Variants in PDZRN3 observed in about 807,000 individuals in gnomAD.
PDZRN3 encodes the protein E3 ubiquitin-protein ligase PDZRN3.
PDZRN3 carries 38 observed loss-of-function variants against 85.7 expected under a neutral mutation model. The ratio of observed to expected loss-of-function variants is 0.44; its 90% confidence interval spans 0.34 to 0.58. The LOEUF is 0.58. PDZRN3 is among the 20% of genes least tolerant of loss of function. PDZRN3 has a pLI of 0.01. For synonymous variants in PDZRN3, 759 were observed against 638.0 expected (o/e 1.19, Z -2.86); for missense variants, 1,629 against 1,506.4 (o/e 1.08, Z -1.35).
At chr3:73,409,463 G>T (rs1701922013) in intron 3 of PDZRN3, among the ~76,000 whole-genome samples, 1 of 152,174 alleles carries the variant, frequency 6.6e-6, no homozygotes. Flanking sequence ...CACTCATTCA[G>T]CAAGAATTTA....
chr3:73,517,074 T>G (rs1199848130), intron 3 of PDZRN3, among the ~76,000 whole-genome samples: 1 of 152,202 alleles, frequency 6.6e-6, no homozygotes, highest in Non-Finnish European at 1.5e-5. Flanking sequence ...CTGGGGCATG[T>G]TGAAACAGTC....
At chr3:73,466,416 ACACT>A (rs1180682223) in intron 3 of PDZRN3, among the ~76,000 whole-genome samples, 1 of 152,092 alleles carries the variant, frequency 6.6e-6, no homozygotes, top group Admixed American at 6.5e-5. Context: ...CAAAAGCAAG[ACACT>A]CACGGTGGCT....
intron 3 of PDZRN3, among the ~76,000 whole-genome samples, chr3:73,462,559 A>AAG (rs1553691931): frequency 2.1e-4 from 31 of 150,608 alleles, no homozygotes; most frequent in South Asian, 1.1e-3. Context: ...AAAAAAAAAA[A>AAG]AAAGAACTTG....
At position 73,497,800 on chromosome 3, in the gene PDZRN3, C is replaced by A. The variant is rs1366598540; in HGVS notation, c.919-93405G>T. On this transcript the variant is annotated intron_variant, in intron 3 of 9. Transcript: ENST00000263666. ...AACTCATTTAGGGCCGGCACAGCGC[C>A]CCCCGTCCCCGCCCCCGCCAACAGC... 8.0e-5 allele frequency among the ~76,000 whole-genome samples: 12 copies of A among 149,526 alleles called. No homozygotes were observed. The South Asian group carries it at 2.3e-3, about 29-fold the overall frequency.
intron 3 of PDZRN3, among the ~76,000 whole-genome samples, chr3:73,447,449 G>A (rs74589789): frequency 0.061 from 9,221 of 151,988 alleles, 377 homozygotes; most frequent in Middle Eastern, 0.13. Flanking sequence ...TCCTTTTGCT[G>A]ACACGTTCCT....
intron 3 of PDZRN3, among the ~76,000 whole-genome samples, chr3:73,411,566 G>C (rs1447101246): frequency 6.6e-6 from 1 of 150,852 alleles, no homozygotes; most frequent in Non-Finnish European, 1.5e-5. Flanking sequence ...TGGGCTGGTG[G>C]TGGTCCTGCT....
At chr3:73,485,682 T>C (rs1703648787) in intron 3 of PDZRN3, among the ~76,000 whole-genome samples, 1 of 152,186 alleles carries the variant, frequency 6.6e-6, no homozygotes, top group Non-Finnish European at 1.5e-5. Context: ...TTTTAAACTA[T>C]AAGACGATGA....
chr3:73,544,293 G>C (rs887989242), intron 3 of PDZRN3, among the ~76,000 whole-genome samples: 3 of 152,126 alleles, frequency 2.0e-5, no homozygotes, highest in Non-Finnish European at 4.4e-5. Context: ...CTACTCCCAT[G>C]TCCATTATTA....
At chr3:73,532,812 T>C (rs1260939840) in intron 3 of PDZRN3, among the ~76,000 whole-genome samples, 1 of 152,188 alleles carries the variant, frequency 6.6e-6, no homozygotes, top group Non-Finnish European at 1.5e-5. Flanking sequence ...GCCATGGCTG[T>C]TGTTTAGAGG....
chr3:73,579,602 G>C (rs965680709), intron 3 of PDZRN3, among the ~76,000 whole-genome samples: 4 of 152,128 alleles, frequency 2.6e-5, no homozygotes, highest in African/African-American at 9.7e-5. Context: ...TTGAGAATTA[G>C]CCCACATTTG....
chr3:73,517,255 A>T (rs1207074796), intron 3 of PDZRN3, among the ~76,000 whole-genome samples: 1 of 152,224 alleles, frequency 6.6e-6, no homozygotes, highest in Non-Finnish European at 1.5e-5. Context: ...TATATGTGTG[A>T]CTAACTTTTG....
chr3:73,515,599 A>G (rs1704243476), intron 3 of PDZRN3, among the ~76,000 whole-genome samples: 1 of 152,140 alleles, frequency 6.6e-6, no homozygotes, highest in African/African-American at 2.4e-5. Context: ...ACTCCACCCA[A>G]TATTTTTTAA....
chr3:73,598,581 C>T (rs1466809876), intron 3 of PDZRN3, among the ~76,000 whole-genome samples: 1 of 152,074 alleles, frequency 6.6e-6, no homozygotes, highest in Non-Finnish European at 1.5e-5. Context: ...GCCCAACAAG[C>T]CCAGGGCAGA....
chr3:73,584,983 A>T (rs761870129), intron 3 of PDZRN3, among the ~76,000 whole-genome samples: 13 of 152,194 alleles, frequency 8.5e-5, no homozygotes, highest in Non-Finnish European at 1.5e-4. Context: ...CTTTAAAAAA[A>T]TTTTTTTTCA....
At position 73,411,338 on chromosome 3, in the gene PDZRN3, T is replaced by G. The variant is rs76566472; in HGVS notation, c.919-6943A>C. Among the ~76,000 whole-genome samples, 1,013 of 152,346 alleles carry G rather than the reference T, an allele frequency of 6.6e-3. 10 individuals are homozygous for G. Among genetic ancestry groups the G allele is most frequent in the African/African-American group, 0.023 (966 of 41,570 alleles). ...AAAGAGACAAGAAATAACAAGTTTA[T>G]AGACCTCACAGAAAATCACAACATG... On this transcript the variant is annotated intron_variant, in intron 3 of 9. Transcript: ENST00000263666.
chr3:73,404,075 C>T (rs1701805641), intron 4 of PDZRN3, 73 bp downstream of exon 4: 5 of 1,447,346 alleles, frequency 3.5e-6, no homozygotes. Context: ...ATTTTTTTCA[C>T]CACATAGAAG....
chr3:73,400,989 T>C lies in PDZRN3; in HGVS notation c.1187A>G (p.Tyr396Cys), dbSNP rs1375732470. 19 of 1,613,042 alleles carry C rather than the reference T, an allele frequency of 1.2e-5. No homozygotes were observed. The highest frequency in any genetic ancestry group is 1.5e-5 in the Non-Finnish European group (18 of 1,178,956). ...LPEEHPSAHE[Y>C]YDPNDYIGDI... ...TCCAATGTAGTCATTTGGATCGTAGTATTCATGGGCTGAGGGATGCCTGAA... is the reference window on the plus strand; with the variant it reads ...TCCAATGTAGTCATTTGGATCGTAGCATTCATGGGCTGAGGGATGCCTGAA... The change falls in exon 5 of 10, where the codon TAC becomes TGC. Residue 396 changes from tyrosine to cysteine, a missense_variant. Tyr to Cys is a radical substitution (Grantham distance 194). Transcript: ENST00000263666.
chr3:73,571,807 G>A (rs1348764615), intron 3 of PDZRN3, among the ~76,000 whole-genome samples: 1 of 152,174 alleles, frequency 6.6e-6, no homozygotes, highest in Non-Finnish European at 1.5e-5. Context: ...AGAAGTGGCA[G>A]TGAGATGGAA....
intron 3 of PDZRN3, among the ~76,000 whole-genome samples, chr3:73,597,821 G>GTA (rs1358100978): frequency 7.9e-5 from 12 of 151,480 alleles, no homozygotes; most frequent in Admixed American, 2.6e-4. Flanking sequence ...TGGTTTCTTA[G>GTA]TAGGCCTCAG....
Sources: gnomAD v4.1 joint callset for allele counts (sites outside exome capture counted in the v4.1 genomes callset) on GRCh38, gnomAD v4.1.1 for gene constraint, MANE v1.5 for transcripts, NCBI Gene and HGNC (gene_info 2026-07-23, HGNC 2026-07-21) for gene names.